The following IQUB variants were observed in gnomAD, a reference collection of about 807,000 sequenced individuals.
IQUB encodes IQ motif and ubiquitin domain containing.
IQUB carries 86 observed loss-of-function variants against 86.4 expected under a neutral mutation model. That is an observed-to-expected ratio of 1.00 (90% CI 0.84 to 1.19). The LOEUF (loss-of-function observed/expected upper bound fraction) is 1.19, where lower values mean the gene tolerates loss of function less well. IQUB is among the 50% of genes most tolerant of loss of function. The pLI, the probability that IQUB is intolerant of heterozygous loss-of-function variation, is 0.00. For synonymous variants in IQUB, 289 were observed against 304.5 expected (o/e 0.95, Z 0.53); for missense variants, 946 against 916.9 (o/e 1.03, Z -0.41).
rs868841467 is a variant in IQUB, at chr7:123,471,023, C to A, written c.1411-1639G>T. Among the ~76,000 whole-genome samples, 3 of 152,256 alleles carry A rather than the reference C, an allele frequency of 2.0e-5. No homozygotes were observed. The South Asian group carries it at 6.2e-4, about 32-fold the overall frequency. On this transcript the variant is annotated intron_variant, in intron 8 of 12. Transcript: ENST00000324698. ...TGATATATTCTCAAAGTAATGGCAT[C>A]ATATTCAGATCAAAGCCAAAATGAA...
At chr7:123,483,091 A>G (rs745397340) in intron 7 of IQUB, among the ~76,000 whole-genome samples, 2 of 151,978 alleles carry the variant, frequency 1.3e-5, no homozygotes, top group Admixed American at 6.6e-5. Context: ...CTCCTTATTT[A>G]TTGTGCCTCT....
At chr7:123,516,192 A>C (rs763179370) in intron 1 of IQUB, among the ~76,000 whole-genome samples, 2 of 152,194 alleles carry the variant, frequency 1.3e-5, no homozygotes, top group Non-Finnish European at 2.9e-5. Context: ...CAATTTTTGA[A>C]AATCGACGAG....
intron 3 of IQUB, among the ~76,000 whole-genome samples, chr7:123,506,368 T>C (rs1055880775): frequency 1.3e-5 from 2 of 152,188 alleles, no homozygotes; most frequent in African/African-American, 2.4e-5. Flanking sequence ...GTACCAACTT[T>C]CTGTATTAGT....
At chr7:123,506,780 C>G (rs767251787) in intron 3 of IQUB, among the ~76,000 whole-genome samples, 69 of 152,230 alleles carry the variant, frequency 4.5e-4, no homozygotes, top group Non-Finnish European at 8.4e-4. Flanking sequence ...TGCAGAATCC[C>G]TTACTTTCTC....
At chr7:123,526,159 T>C (rs1797197079) in intron 1 of IQUB, among the ~76,000 whole-genome samples, 1 of 136,526 alleles carries the variant, frequency 7.3e-6, no homozygotes, top group Admixed American at 7.9e-5. Context: ...GGTGTGGTGC[T>C]GAAAAAAATG....
Position 123,526,502 on chromosome 7 carries a change from C to T in IQUB, c.-5+7990G>A, listed in dbSNP as rs200652310. 2.0e-5 allele frequency among the ~76,000 whole-genome samples: 3 copies of T among 152,138 alleles called. No individual in the cohort carries two copies. The East Asian group carries it at 5.8e-4, about 29-fold the overall frequency. Reference sequence around the variant, plus strand: ...TTTGTTGGTTTAAGGTCTGTTTTATCAGAGACTAGGATTGCAACCCCTGCC... The same window carrying T: ...TTTGTTGGTTTAAGGTCTGTTTTATTAGAGACTAGGATTGCAACCCCTGCC... On this transcript the variant is annotated intron_variant, in intron 1 of 12. Transcript: ENST00000324698.
chr7:123,522,605 G>C (rs1377538183), intron 1 of IQUB, among the ~76,000 whole-genome samples: 1 of 152,072 alleles, frequency 6.6e-6, no homozygotes, highest in Non-Finnish European at 1.5e-5. Flanking sequence ...AATTAGTAAT[G>C]AACTATTTCT....
At chr7:123,509,064 T>C (rs1796308128) in intron 3 of IQUB, among the ~76,000 whole-genome samples, 1 of 152,216 alleles carries the variant, frequency 6.6e-6, no homozygotes, top group Non-Finnish European at 1.5e-5. Flanking sequence ...TTTACTATAA[T>C]AGATTTTTTT....
At position 123,457,483 on chromosome 7, in the gene IQUB, G is replaced by T; in HGVS notation, c.2091C>A (p.Val697=). ...LSACDNLSDL[V]MVRWNKSLEW... is the part of the protein sequence containing the mutation. ...CCAGGGATTTATTCCATCTGACCAT[G>T]ACCAGATCACTGAGATTGTCGCAAG... is the stretch of plus-strand genomic sequence containing the variant. The change falls in exon 12 of 13, where the codon GTC becomes GTA. Residue 697 remains valine (V), a synonymous_variant. Coordinates refer to ENST00000324698, the MANE Select transcript of IQUB (RefSeq NM_178827.5). 1 of 1,611,566 alleles carries T rather than the reference G, an allele frequency of 6.2e-7. No individual in the cohort carries two copies. The highest frequency in any genetic ancestry group is 1.1e-5 in the South Asian group (1 of 90,688).
chr7:123,476,776 G>A (rs1156573024), intron 8 of IQUB, among the ~76,000 whole-genome samples: 4 of 151,578 alleles, frequency 2.6e-5, no homozygotes, highest in African/African-American at 9.7e-5. Context: ...TATATGCAGA[G>A]TCATCAGGAC....
chr7:123,461,171 T>G (rs1023365074), intron 11 of IQUB, among the ~76,000 whole-genome samples, 186 bp downstream of exon 11: 5 of 151,666 alleles, frequency 3.3e-5, no homozygotes, highest in African/African-American at 1.2e-4. Context: ...GGTACTGTAT[T>G]AGGTTATAGA....
chr7:123,471,514 C>T lies in IQUB; in HGVS notation c.1411-2130G>A, dbSNP rs76114650. ...AGTAATTTGGACAACACCTTTTGAT[C>T]TGCATGGTGGTAAATTATTTCATTT... On this transcript the variant is annotated intron_variant, in intron 8 of 12. Coordinates refer to ENST00000324698, the MANE Select transcript of IQUB (RefSeq NM_178827.5). 4.8e-3 allele frequency among the ~76,000 whole-genome samples: 724 copies of T among 152,274 alleles called. 4 individuals are homozygous for T. The highest frequency in any genetic ancestry group is 8.4e-3 in the Non-Finnish European group (573 of 67,994).
chr7:123,480,779 T>G (rs1224583363), intron 7 of IQUB, among the ~76,000 whole-genome samples: 2 of 152,124 alleles, frequency 1.3e-5, no homozygotes, highest in Non-Finnish European at 2.9e-5. Flanking sequence ...AAACTCTAAA[T>G]TATAGTCACA....
At chr7:123,465,369 A>C (rs900510602) in intron 9 of IQUB, among the ~76,000 whole-genome samples, 1 of 152,028 alleles carries the variant, frequency 6.6e-6, no homozygotes, top group Admixed American at 6.6e-5. Flanking sequence ...AGAAAAATCA[A>C]GAAAATGACT....
intron 1 of IQUB, among the ~76,000 whole-genome samples, chr7:123,530,991 A>G (rs1797515035): frequency 6.6e-6 from 1 of 152,160 alleles, no homozygotes. Flanking sequence ...TTTAATCCTT[A>G]CAATGACTCT....
chr7:123,512,036 T>A lies in IQUB; in HGVS notation c.305A>T (p.Gln102Leu), dbSNP rs747708066. 1.2e-6 allele frequency: 2 copies of A among 1,613,814 alleles called. No individual in the cohort carries two copies. Among genetic ancestry groups the A allele is most frequent in the Non-Finnish European group, 1.7e-6 (2 of 1,179,688 alleles). The change falls in exon 2 of 13, where the codon CAG (glutamine) becomes CTG (leucine). Residue 102 changes from glutamine to leucine, a missense_variant. By Grantham distance (113) the Gln-to-Leu change is moderately radical. Transcript: ENST00000324698. The stretch of plus-strand genomic sequence containing the variant: ...TGCCAAACTATCATCATTTGGCCTC[T>A]GCATTGCATATTGCTTTTCATGATG... ...PQHHEKQYAM[Q>L]RPNDDSLAFL...
chr7:123,524,587 A>C (rs1207370616), intron 1 of IQUB, among the ~76,000 whole-genome samples: 2 of 150,158 alleles, frequency 1.3e-5, no homozygotes, highest in Admixed American at 1.3e-4. Flanking sequence ...TTATCAGCTT[A>C]AGGAGAGTTT....
chr7:123,514,461 T>C (rs1407882609), intron 1 of IQUB, among the ~76,000 whole-genome samples: 3 of 152,114 alleles, frequency 2.0e-5, no homozygotes, highest in Non-Finnish European at 4.4e-5. Context: ...TGAAAAATCA[T>C]AAACATATGG....
In IQUB at chr7:123,461,603, G is replaced by A. The variant is rs751695389; in HGVS notation, c.1761C>T (p.Val587=). 4 of 1,580,294 alleles carry A rather than the reference G, an allele frequency of 2.5e-6. No homozygotes were observed. The highest frequency in any genetic ancestry group is 1.2e-5 in the South Asian group (1 of 85,556). Residue 587 remains valine, a splice_region_variant and synonymous_variant, in exon 11 of 13, where the codon GTC becomes GTT. Transcript: ENST00000324698. ...FNPEVAKYLK[V]PQDPLKFYKK... ...TATAAAATTTCAATGGGTCTTGAGG[G>A]ACCTAAATAAATAGTAAAAAAAGAA...
Sources: gnomAD v4.1 joint callset for allele counts (sites outside exome capture counted in the v4.1 genomes callset) on GRCh38, gnomAD v4.1.1 for gene constraint, MANE v1.5 for transcripts, NCBI Gene and HGNC (gene_info 2026-07-23, HGNC 2026-07-21) for gene names.